The following TLK2 variants were observed in gnomAD, a reference collection of about 807,000 sequenced individuals.
TLK2 encodes serine/threonine-protein kinase tousled-like 2.
TLK2 carries 6 observed loss-of-function variants against 117.3 expected under a neutral mutation model. The ratio of observed to expected loss-of-function variants is 0.05; its 90% CI spans 0.03 to 0.10. TLK2 has a LOEUF of 0.10. TLK2 is among the 10% of genes least tolerant of loss of function. The pLI is 1.00. For missense variants in TLK2, 299 were observed against 901.2 expected, an observed-to-expected ratio of 0.33 and a Z score of 8.56; for synonymous variants, 257 against 316.7, an observed-to-expected ratio of 0.81 and a Z score of 2.00.
At chr17:62,496,956 CAAAAAAAA>C (rs1156828880) in intron 2 of TLK2, among the ~76,000 whole-genome samples, 1 of 43,408 alleles carries the variant, frequency 2.3e-5, no homozygotes, top group Non-Finnish European at 4.8e-5. Context: ...GACTCCATCT[CAAAAAAAA>C]AAAAAAAAAA....
intron 7 of TLK2, among the ~76,000 whole-genome samples, chr17:62,542,588 A>G (rs1031469679): frequency 1.3e-5 from 2 of 152,212 alleles, no homozygotes; most frequent in Admixed American, 1.3e-4. Flanking sequence ...AAATTATTCT[A>G]AGACTTGAAA....
chr17:62,600,925 A>G lies in TLK2; in HGVS notation c.1720+105A>G, dbSNP rs1017903768. 6.9e-5 allele frequency: 82 copies of G among 1,183,252 alleles called. 1 individual carries two copies. In the South Asian group the frequency reaches 1.3e-3, roughly 18 times the overall value. The allele number at this position is 1,183,252 out of a possible 1,614,324, so 73.3% of individuals were successfully genotyped here. A position where few individuals can be genotyped will look rare whatever the true frequency, so the allele number is the denominator to read the frequency against. On this transcript the variant is annotated intron_variant, in intron 18 of 21. Transcript: ENST00000346027. ...AATTTCACAGCAGCCAAGAAAGGCT[A>G]ATAACATCTGACTTTTGATTGCCTG... is the stretch of plus-strand genomic sequence containing the variant.
At chr17:62,600,454 ACT>A (rs2082794047) in intron 17 of TLK2, 195 bp from the exon 18 acceptor site, 6 of 493,332 alleles carry the variant, frequency 1.2e-5, no homozygotes, top group Non-Finnish European at 1.8e-5. Context: ...GGGTGTGGAA[ACT>A]CTTCAAGAGA....
intron 6 of TLK2, among the ~76,000 whole-genome samples, chr17:62,529,913 C>T (rs1008044707): frequency 1.1e-4 from 17 of 151,750 alleles, no homozygotes; most frequent in Admixed American, 3.3e-4. Context: ...TACCACATAC[C>T]GCCGGGCGTG....
Position 62,553,666 on chromosome 17 carries a change from G to A in TLK2, c.631G>A (p.Asp211Asn). ...ISIQHRQTQS[D>N]LTIEKISALE... ...TGTTTTACCTTTGTCTCTGTAGTCCGACCTCACAATAGAAAAAATATCTGC... is the reference window on the plus strand; with the variant it reads ...TGTTTTACCTTTGTCTCTGTAGTCCAACCTCACAATAGAAAAAATATCTGC... Residue 211 changes from aspartate to asparagine, a missense_variant, in exon 9 of 22, where the codon GAC becomes AAC. This residue lies in a region of TLK2 where 94 missense variants were observed against 282.6 expected (regional missense o/e 0.33). Coordinates refer to ENST00000346027, the MANE Select transcript of TLK2 (RefSeq NM_006852.6). 4 of 1,609,682 alleles carry A rather than the reference G, an allele frequency of 2.5e-6. No homozygotes were observed. The highest frequency in any genetic ancestry group is 3.4e-6 in the Non-Finnish European group (4 of 1,176,648).
intron 11 of TLK2, among the ~76,000 whole-genome samples, chr17:62,569,669 C>T (rs919249739): frequency 2.0e-4 from 31 of 151,964 alleles, no homozygotes; most frequent in Admixed American, 9.2e-4. Flanking sequence ...CTAAGTGATC[C>T]GCCCACCTTG....
chr17:62,520,699 A>G, intron 2 of TLK2, 74 bp from the exon 3 acceptor site: 1 of 1,335,928 alleles, frequency 7.5e-7, no homozygotes, highest in African/African-American at 1.5e-5. Context: ...AAAAAAAATC[A>G]TCAGGCTTCT....
intron 7 of TLK2, among the ~76,000 whole-genome samples, chr17:62,540,293 G>A (rs1407801527): frequency 4.7e-5 from 7 of 148,700 alleles, no homozygotes; most frequent in Non-Finnish European, 7.4e-5. Flanking sequence ...AATTGTTACA[G>A]CTAAAATCCT....
At chr17:62,541,591 T>C (rs1199099702) in intron 7 of TLK2, among the ~76,000 whole-genome samples, 7 of 152,242 alleles carry the variant, frequency 4.6e-5, no homozygotes, top group Admixed American at 4.6e-4. Flanking sequence ...TAATTCTATG[T>C]TTTAACATAG....
intron 12 of TLK2, among the ~76,000 whole-genome samples, chr17:62,574,083 T>A (rs1598683436): frequency 6.6e-6 from 1 of 152,248 alleles, no homozygotes; most frequent in Non-Finnish European, 1.5e-5. Flanking sequence ...ATAAAAGATA[T>A]ATAACTTATC....
chr17:62,477,643 C>G (rs933697238), upstream of TLK2: 12 of 152,164 alleles, frequency 7.9e-5, no homozygotes, highest in African/African-American at 2.9e-4. Flanking sequence ...TGCTTGTAGT[C>G]CTTAAAGTCA....
chr17:62,575,782 A>T (rs1232025420), intron 12 of TLK2, among the ~76,000 whole-genome samples: 2 of 151,722 alleles, frequency 1.3e-5, no homozygotes, highest in Non-Finnish European at 2.9e-5. Flanking sequence ...CTATAGCCTC[A>T]ACCTTCTGGG....
At chr17:62,505,267 A>G (rs1048890317) in intron 2 of TLK2, among the ~76,000 whole-genome samples, 3 of 152,170 alleles carry the variant, frequency 2.0e-5, no homozygotes, top group African/African-American at 4.8e-5. Context: ...TTTTAGAGGC[A>G]GGATCTTACT....
intron 11 of TLK2, among the ~76,000 whole-genome samples, chr17:62,568,211 C>G (rs766057294): frequency 3.5e-4 from 53 of 151,946 alleles, no homozygotes; most frequent in Non-Finnish European, 6.6e-4. Context: ...ATGGGCAGAT[C>G]ACTTGAGGCC....
At chr17:62,564,334 A>G (rs1433373080) in intron 10 of TLK2, among the ~76,000 whole-genome samples, 2 of 152,104 alleles carry the variant, frequency 1.3e-5, no homozygotes, top group African/African-American at 4.8e-5. Flanking sequence ...TCAGGAGTTC[A>G]AGACCAGCCT....
At chr17:62,594,789 T>TACACACACACACACAC (rs143695451) in intron 16 of TLK2, among the ~76,000 whole-genome samples, 3 of 145,422 alleles carry the variant, frequency 2.1e-5, no homozygotes, top group African/African-American at 7.7e-5. Flanking sequence ...GCAGGGCGGG[T>TACACACACACACACAC]ACACACACAC....
At chr17:62,581,642 T>A (rs1421640044) in intron 15 of TLK2, among the ~76,000 whole-genome samples, 1 of 151,982 alleles carries the variant, frequency 6.6e-6, no homozygotes. Flanking sequence ...GGTTTCATCA[T>A]GTTGCCCAGG....
At chr17:62,490,396 T>C (rs2072985910) in intron 2 of TLK2, among the ~76,000 whole-genome samples, 1 of 152,234 alleles carries the variant, frequency 6.6e-6, no homozygotes, top group Non-Finnish European at 1.5e-5. Context: ...TGAGTCACTC[T>C]TATCCTGAGG....
intron 16 of TLK2, among the ~76,000 whole-genome samples, chr17:62,594,989 T>G (rs2147077766): frequency 6.6e-6 from 1 of 151,264 alleles, no homozygotes; most frequent in East Asian, 1.9e-4. Flanking sequence ...TGAGACGGAG[T>G]CTAACTTTAT....
Sources: gnomAD v4.1 joint callset for allele counts (sites outside exome capture counted in the v4.1 genomes callset) on GRCh38, gnomAD v4.1.1 for gene constraint, gnomAD v4.1.1 regional missense constraint, MANE v1.5 for transcripts, NCBI Gene and HGNC (gene_info 2026-07-23, HGNC 2026-07-21) for gene names.